The following TNFAIP1 variants were observed in gnomAD, a reference collection of about 807,000 sequenced individuals.
TNFAIP1 encodes BTB/POZ domain-containing adapter for CUL3-mediated RhoA degradation protein 2.
In TNFAIP1, 20 loss-of-function variants were observed where a neutral mutation model predicts 32.6. That is an observed-to-expected ratio of 0.61 (90% CI 0.43 to 0.89). TNFAIP1 has a LOEUF of 0.89. TNFAIP1 is among the 40% of genes least tolerant of loss of function. The pLI, the probability that TNFAIP1 is intolerant of heterozygous loss-of-function variation, is 0.00. For synonymous variants in TNFAIP1, 166 were observed against 166.8 expected, an observed-to-expected ratio of 1.00 and a Z score of 0.04; for missense variants, 319 against 425.1, an observed-to-expected ratio of 0.75 and a Z score of 2.20.
At chr17:28,338,113 AT>A (rs1266698872) in intron 1 of TNFAIP1, among the ~76,000 whole-genome samples, 1 of 152,148 alleles carries the variant, frequency 6.6e-6, no homozygotes, top group Non-Finnish European at 1.5e-5. Context: ...CAGTAGTTTA[AT>A]TGCTGAATGA....
At chr17:28,343,592 T>C (rs1907441016) in intron 6 of TNFAIP1, among the ~76,000 whole-genome samples, 1 of 151,944 alleles carries the variant, frequency 6.6e-6, no homozygotes, top group African/African-American at 2.4e-5. Context: ...GTGAAAGGGT[T>C]CAGGGGCAGG....
intron 1 of TNFAIP1, among the ~76,000 whole-genome samples, chr17:28,337,409 A>G (rs1418102687): frequency 6.6e-6 from 1 of 152,042 alleles, no homozygotes; most frequent in Non-Finnish European, 1.5e-5. Flanking sequence ...ACTTGTTTTA[A>G]TTTTGTCATT....
At position 28,342,522 on chromosome 17, in the gene TNFAIP1, CG is replaced by C. The variant is rs1567787265; in HGVS notation, c.714+82del. 4 of 1,389,264 alleles carry C rather than the reference CG, an allele frequency of 2.9e-6. No individual in the cohort carries two copies. The Admixed American group carries it at 9.4e-5, about 33-fold the overall frequency. 86.1% of individuals were successfully genotyped at this position (1,389,264 alleles called of 1,614,324 possible). On this transcript the variant is annotated intron_variant, in intron 6 of 6. Transcript: ENST00000226225. This position sits in a 1 kb window ranked among gnomAD's most constrained non-coding sequence, Gnocchi z 4.0. ...GGACGTGGTCGGGCTGTGACCAGCA[CG>C]GAGCAAAAGGGGCATGGACTTGGCT...
Position 28,344,664 on chromosome 17 carries a change from T to G in TNFAIP1, c.*64T>G, listed in dbSNP as rs1324203570. 43 of 1,518,638 alleles carry G rather than the reference T, an allele frequency of 2.8e-5. No individual in the cohort carries two copies. Among genetic ancestry groups the G allele is most frequent in the Non-Finnish European group, 3.9e-5 (43 of 1,107,170 alleles). The allele number at this position is 1,518,638 out of a possible 1,614,324, so 94.1% of individuals were successfully genotyped here. A position where few individuals can be genotyped will look rare whatever the true frequency, so the allele number is the denominator to read the frequency against. The stretch of plus-strand genomic sequence containing the variant: ...TCCCATCCTGTGGAACCCGCCCCAT[T>G]GGCCACCCCATGCTGCTGCTGCCTG... On this transcript the variant is annotated 3_prime_UTR_variant, in exon 7 of 7. Coordinates refer to ENST00000226225, the MANE Select transcript of TNFAIP1 (RefSeq NM_021137.5).
Position 28,344,961 on chromosome 17 carries a change from TG to T in TNFAIP1, c.*363del. ...GCCTCAGCTGGGGGAAAGGCAGTTC[TG>T]GTGCTGTAGAGGCCCTGGTGCAGAA... On this transcript the variant is annotated 3_prime_UTR_variant, in exon 7 of 7. Coordinates refer to ENST00000226225, the MANE Select transcript of TNFAIP1 (RefSeq NM_021137.5). The T allele has an allele frequency of 3.4e-6, 1 of 293,626 alleles. No individual in the cohort carries two copies. The highest frequency in any genetic ancestry group is 6.6e-6 in the Non-Finnish European group (1 of 152,586). The allele number at this position is 293,626 out of a possible 1,614,324, so 18.2% of individuals were successfully genotyped here. A position where few individuals can be genotyped will look rare whatever the true frequency, so the allele number is the denominator to read the frequency against.
rs1555577997 is a variant in TNFAIP1, at chr17:28,340,429, A to C, written c.326A>C (p.Lys109Thr). The C allele has an allele frequency of 6.2e-7, 1 of 1,613,712 alleles. No individual in the cohort carries two copies. Among genetic ancestry groups the C allele is most frequent in the East Asian group, 2.2e-5 (1 of 44,848 alleles). ...QEIKELMAEA[K>T]YYLIQGLVNM... is the part of the protein sequence containing the mutation. ...ATCAAGGAATTGATGGCTGAAGCAA[A>C]GTATTACCTCATCCAGGGGCTGGTG... Residue 109 changes from lysine to threonine, a missense_variant, in exon 3 of 7, where the codon AAG becomes ACG. Transcript: ENST00000226225. The surrounding 1 kb of genome is among the most constrained non-coding windows in gnomAD (Gnocchi z 4.1).
rs374888514 is a variant in TNFAIP1 at position 28,344,506 on chromosome 17, T to C, written c.857T>C (p.Phe286Ser). The C allele has an allele frequency of 9.9e-6, 16 of 1,613,882 alleles. No individual in the cohort carries two copies. The highest frequency in any genetic ancestry group is 8.0e-5 in the African/African-American group (6 of 74,912). ...TCCCCCAGTGAAGATGAGGAGACCT[T>C]TGAACTGCGGGACCGTGTCCGCCGC... is the stretch of plus-strand genomic sequence containing the variant. ...QASPSEDEET[F>S]ELRDRVRRIH... Residue 286 changes from phenylalanine to serine, a missense_variant, in exon 7 of 7, where the codon TTT becomes TCT. By Grantham distance (155) the Phe-to-Ser change is radical. Coordinates refer to ENST00000226225, the MANE Select transcript of TNFAIP1 (RefSeq NM_021137.5).
chr17:28,342,456 C>T lies in TNFAIP1; in HGVS notation c.714+14C>T, dbSNP rs1555578325. ...AAGCAGACCAAGGTGTGGGGGATTGCCCCTGCCTGGGTAGGGGAGGACACA... is the reference window on the plus strand; with the variant it reads ...AAGCAGACCAAGGTGTGGGGGATTGTCCCTGCCTGGGTAGGGGAGGACACA... On this transcript the variant is annotated intron_variant, in intron 6 of 6. Coordinates refer to ENST00000226225, the MANE Select transcript of TNFAIP1 (RefSeq NM_021137.5). This position sits in a 1 kb window ranked among gnomAD's most constrained non-coding sequence, Gnocchi z 4.0. 3 of 1,569,764 alleles carry T rather than the reference C, an allele frequency of 1.9e-6. No homozygotes were observed. Among genetic ancestry groups the T allele is most frequent in the East Asian group, 4.6e-5 (2 of 43,832 alleles).
chr17:28,344,714 C>A lies in TNFAIP1; in HGVS notation c.*114C>A. The A allele has an allele frequency of 9.4e-7, 1 of 1,060,976 alleles. No individual in the cohort carries two copies. Among genetic ancestry groups the A allele is most frequent in the Non-Finnish European group, 1.4e-6 (1 of 717,040 alleles). 65.7% of individuals were successfully genotyped at this position (1,060,976 alleles called of 1,614,324 possible). A position where few individuals can be genotyped will look rare whatever the true frequency, so the allele number is the denominator to read the frequency against. ...GGGTCTCTGCTCTAGCACCCAGAGG[C>A]ATGACAGGCCCTGCTCAGAGGTCAG... On this transcript the variant is annotated 3_prime_UTR_variant, in exon 7 of 7. Transcript: ENST00000226225.
chr17:28,340,676 C>CT lies in TNFAIP1; in HGVS notation c.375+199dup, dbSNP rs1299708975. 6.6e-6 allele frequency among the ~76,000 whole-genome samples: 1 copy of CT among 152,160 alleles called. No homozygotes were observed. The highest frequency in any genetic ancestry group is 1.5e-5 in the Non-Finnish European group (1 of 68,026). ...TCACACTTGGCAGCGTGAGTAGGCC[C>CT]TGCTTCTGGTTTCTATGCTTTGCTA... On this transcript the variant is annotated intron_variant, in intron 3 of 6. Coordinates refer to ENST00000226225, the MANE Select transcript of TNFAIP1 (RefSeq NM_021137.5). This position sits in a 1 kb window ranked among gnomAD's most constrained non-coding sequence, Gnocchi z 4.1.
At chr17:28,341,584 A>G in intron 5 of TNFAIP1, 128 bp downstream of exon 5, 1 of 1,037,064 alleles carries the variant, frequency 9.6e-7, no homozygotes, top group East Asian at 2.5e-5. Context: ...TTGGGGAAAA[A>G]CAGAAAGTAG....
In TNFAIP1 at chr17:28,340,876, C is replaced by G. The variant is rs1555578056; in HGVS notation, c.376-361C>G. Among the ~76,000 whole-genome samples, 4 of 152,162 alleles carry G rather than the reference C, an allele frequency of 2.6e-5. No homozygotes were observed. Among genetic ancestry groups the G allele is most frequent in the Non-Finnish European group, 5.9e-5 (4 of 68,034 alleles). ...TCTCGTGATTTGGCCTTCAGAGTAGCTGGGAATGCCAGCATGCGCCATGGC... is the reference window on the plus strand; with the variant it reads ...TCTCGTGATTTGGCCTTCAGAGTAGGTGGGAATGCCAGCATGCGCCATGGC... On this transcript the variant is annotated intron_variant, in intron 3 of 6. Transcript: ENST00000226225. This position sits in a 1 kb window ranked among gnomAD's most constrained non-coding sequence, Gnocchi z 4.1.
chr17:28,342,370 T>C lies in TNFAIP1; in HGVS notation c.642T>C (p.Tyr214=), dbSNP rs1907395999. 6.2e-7 allele frequency: 1 copy of C among 1,606,936 alleles called. No individual in the cohort carries two copies. Among genetic ancestry groups the C allele is most frequent in the Non-Finnish European group, 8.5e-7 (1 of 1,173,862 alleles). Reference sequence around the variant, plus strand: ...ACGAGATCTGCTGCTGGTCCTTTTATGGCCAGGGCCGTAAGCTGGCAGAGG... The same window carrying C: ...ACGAGATCTGCTGCTGGTCCTTTTACGGCCAGGGCCGTAAGCTGGCAGAGG... ...IGDEICCWSF[Y]GQGRKLAEVC... Residue 214 remains tyrosine (Y), a synonymous_variant, in exon 6 of 7, where the codon TAT becomes TAC. Transcript: ENST00000226225. The surrounding 1 kb of genome is among the most constrained non-coding windows in gnomAD (Gnocchi z 4.0).
chr17:28,341,023 G>A (rs1171233268), intron 3 of TNFAIP1, among the ~76,000 whole-genome samples: 1 of 152,190 alleles, frequency 6.6e-6, no homozygotes, highest in African/African-American at 2.4e-5. Context: ...GGGATTGCAG[G>A]TGTGAGCTAC....
rs1555578010 is a variant in TNFAIP1 at position 28,340,492 on chromosome 17, G to A, written c.375+14G>A. 6.2e-7 allele frequency: 1 copy of A among 1,613,158 alleles called. No individual in the cohort carries two copies. Among genetic ancestry groups the A allele is most frequent in the Non-Finnish European group, 8.5e-7 (1 of 1,179,422 alleles). On this transcript the variant is annotated intron_variant, in intron 3 of 6. Coordinates refer to ENST00000226225, the MANE Select transcript of TNFAIP1 (RefSeq NM_021137.5). The surrounding 1 kb of genome is among the most constrained non-coding windows in gnomAD (Gnocchi z 4.1). ...AGTGCCCTGCAGGTACATGGGTGGG[G>A]CGGAGCAGGGCGGGCAGATGAGGTC...
intron 1 of TNFAIP1, chr17:28,336,388 G>A (rs1555577441): frequency 6.6e-6 from 1 of 152,142 alleles, no homozygotes; most frequent in African/African-American, 2.4e-5. Flanking sequence ...ACTTTCTGGG[G>A]CGTCACCTGC....
chr17:28,342,545 G>A lies in TNFAIP1; in HGVS notation c.714+103G>A. 1 of 1,228,400 alleles carries A rather than the reference G, an allele frequency of 8.1e-7. No individual in the cohort carries two copies. Among genetic ancestry groups the A allele is most frequent in the Non-Finnish European group, 1.1e-6 (1 of 912,824 alleles). 76.1% of individuals were successfully genotyped at this position (1,228,400 alleles called of 1,614,324 possible). A position where few individuals can be genotyped will look rare whatever the true frequency, so the allele number is the denominator to read the frequency against. ...CACGGAGCAAAAGGGGCATGGACTT[G>A]GCTCTTTTTTCCAAACACGGTAATG... On this transcript the variant is annotated intron_variant, in intron 6 of 6. Transcript: ENST00000226225. This position sits in a 1 kb window ranked among gnomAD's most constrained non-coding sequence, Gnocchi z 4.0.
chr17:28,340,229 G>A lies in TNFAIP1; in HGVS notation c.206-80G>A, dbSNP rs963900881. 1.1e-5 allele frequency: 17 copies of A among 1,485,442 alleles called. No homozygotes were observed. The highest frequency in any genetic ancestry group is 1.5e-5 in the Non-Finnish European group (16 of 1,079,324). The allele number at this position is 1,485,442 out of a possible 1,614,324, so 92.0% of individuals were successfully genotyped here. ...TGGACCCCCTTCCCTGCCACCTGCC[G>A]CCAGCTTGTCAGGTGGCCTTTGCCT... On this transcript the variant is annotated intron_variant, in intron 2 of 6. Coordinates refer to ENST00000226225, the MANE Select transcript of TNFAIP1 (RefSeq NM_021137.5). This position sits in a 1 kb window ranked among gnomAD's most constrained non-coding sequence, Gnocchi z 4.1.
chr17:28,339,424 C>A lies in TNFAIP1; in HGVS notation c.-98C>A. 1.7e-6 allele frequency: 2 copies of A among 1,211,184 alleles called. No individual in the cohort carries two copies. Among genetic ancestry groups the A allele is most frequent in the Non-Finnish European group, 2.2e-6 (2 of 889,894 alleles). The allele number at this position is 1,211,184 out of a possible 1,614,324, so 75.0% of individuals were successfully genotyped here. A position where few individuals can be genotyped will look rare whatever the true frequency, so the allele number is the denominator to read the frequency against. On this transcript the variant is annotated 5_prime_UTR_variant, in exon 2 of 7. Transcript: ENST00000226225. ...CATGTACAGCACTGAGATTATGAGG[C>A]TCTGGCCTCCACTGGCCACTCACTC...
Sources: allele counts gnomAD v4.1 joint callset (sites outside exome capture counted in the v4.1 genomes callset), GRCh38; gene constraint gnomAD v4.1.1; non-coding constraint Gnocchi (gnomAD v3.1); transcripts MANE v1.5; gene names NCBI Gene and HGNC (gene_info 2026-07-23, HGNC 2026-07-21).